Variants in ALK observed in about 807,000 individuals in gnomAD.
ALK encodes the protein ALK tyrosine kinase receptor.
A neutral mutation model predicts 163.1 loss-of-function variants in ALK; 74 were observed. The observed-to-expected ratio is 0.45, with a 90% CI of 0.38 to 0.55. The LOEUF (loss-of-function observed/expected upper bound fraction) is 0.55. Ranked by LOEUF, ALK falls within the 20% of genes least tolerant of loss-of-function variation. The pLI is 0.00. For synonymous variants in ALK, 960 were observed against 843.2 expected (o/e 1.14, Z -2.40); for missense variants, 2,063 against 2,105.3 (o/e 0.98, Z 0.39).
intron 4 of ALK, among the ~76,000 whole-genome samples, chr2:29,478,370 A>G (rs1472815033): frequency 1.3e-5 from 2 of 152,230 alleles, no homozygotes; most frequent in African/African-American, 4.8e-5. Flanking sequence ...AACAGCCTTC[A>G]CATCTATTGT....
intron 4 of ALK, among the ~76,000 whole-genome samples, chr2:29,467,173 T>G (rs944937903): frequency 6.6e-6 from 1 of 151,210 alleles, no homozygotes; most frequent in Non-Finnish European, 1.5e-5. Flanking sequence ...TTTGGGATCA[T>G]GAGGACCAAG....
chr2:29,565,266 G>A (rs765116301), intron 3 of ALK, among the ~76,000 whole-genome samples: 2 of 152,182 alleles, frequency 1.3e-5, no homozygotes, highest in African/African-American at 4.8e-5. Flanking sequence ...GAAGATCTAA[G>A]AGCAAGGACA....
chr2:29,827,237 G>A (rs768260975), intron 1 of ALK, among the ~76,000 whole-genome samples: 1 of 152,186 alleles, frequency 6.6e-6, no homozygotes, highest in Non-Finnish European at 1.5e-5. Context: ...TGGAAGTGAA[G>A]GCCTTTAAGA....
intron 3 of ALK, among the ~76,000 whole-genome samples, chr2:29,546,129 T>A (rs1167607767): frequency 2.0e-5 from 3 of 152,200 alleles, no homozygotes; most frequent in Non-Finnish European, 4.4e-5. Context: ...GAGGAGTACG[T>A]TTTTATATAT....
chr2:29,213,383 T>C (rs1573107835), intron 24 of ALK, among the ~76,000 whole-genome samples: 1 of 152,134 alleles, frequency 6.6e-6, no homozygotes, highest in Non-Finnish European at 1.5e-5. Flanking sequence ...TTAGAAAAAA[T>C]TAATGTATCC....
At chr2:29,231,075 C>T (rs1046702058) in intron 15 of ALK, among the ~76,000 whole-genome samples, 28 of 152,150 alleles carry the variant, frequency 1.8e-4, no homozygotes, top group East Asian at 1.9e-4. Context: ...TGGTGGCTCA[C>T]GCCTGTAATC....
intron 3 of ALK, among the ~76,000 whole-genome samples, chr2:29,666,121 G>A (rs1287610579): frequency 6.6e-5 from 10 of 152,030 alleles, no homozygotes; most frequent in African/African-American, 1.4e-4. Flanking sequence ...AAATCAAGAT[G>A]TATTACATCT....
intron 3 of ALK, among the ~76,000 whole-genome samples, chr2:29,575,557 A>T (rs4344890): frequency 0.96 from 146,911 of 152,280 alleles, 71,090 homozygotes; most frequent in East Asian, 1. Context: ...TTATCTTGCT[A>T]GGGGGAAATT....
At chr2:29,722,323 G>A (rs933186116) in intron 1 of ALK, among the ~76,000 whole-genome samples, 29 of 152,150 alleles carry the variant, frequency 1.9e-4, no homozygotes, top group African/African-American at 6.8e-4. Flanking sequence ...GTACCTAACT[G>A]AAGACTCTTT....
chr2:29,768,719 G>GTGTGTT lies in ALK; in HGVS notation c.668-51023_668-51022insAACACA, dbSNP rs1680931842. ...TTTATTAAATTATATATGTCTGTGT[G>GTGTGTT]TGTGTGTGTGTGTGTGTGTGTGTGT... On this transcript the variant is annotated intron_variant, in intron 1 of 28. Coordinates refer to ENST00000389048, the MANE Select transcript of ALK (RefSeq NM_004304.5). 4.3e-5 allele frequency among the ~76,000 whole-genome samples: 6 copies of GTGTGTT among 140,600 alleles called. No homozygotes were observed. In the Middle Eastern group the frequency reaches 0.018, roughly 421 times the overall value. The allele number at this position is 140,600 out of a possible 152,430, so 92.2% of individuals were successfully genotyped here.
intron 4 of ALK, among the ~76,000 whole-genome samples, chr2:29,471,275 T>G (rs1399185596): frequency 6.6e-6 from 1 of 152,196 alleles, no homozygotes; most frequent in Non-Finnish European, 1.5e-5. Context: ...AACAAAGATT[T>G]TCTGTCTTGT....
chr2:29,741,352 A>G (rs1054227137), intron 1 of ALK, among the ~76,000 whole-genome samples: 1 of 152,172 alleles, frequency 6.6e-6, no homozygotes, highest in East Asian at 1.9e-4. Flanking sequence ...AGGTCTGTCA[A>G]TTGTTACAAA....
chr2:29,320,783 G>A lies in ALK; in HGVS notation c.1514C>T (p.Thr505Ile), dbSNP rs751321667. 39 of 1,613,936 alleles carry A rather than the reference G, an allele frequency of 2.4e-5. No homozygotes were observed. The highest frequency in any genetic ancestry group is 3.3e-5 in the Admixed American group (2 of 60,000). Reference protein sequence around the residue: ...SPHTPQWQVRTLKDARFQDHQ... With the variant: ...SPHTPQWQVRILKDARFQDHQ... ...GTCCTGGAACCGGGCATCCTTTAGG[G>A]TCCTGACCTGCCATTGAGGAGTGTG... The change falls in exon 7 of 29, where the codon ACC becomes ATC. Residue 505 changes from threonine (T) to isoleucine (I), a missense_variant. Thr to Ile is a moderately conservative substitution (Grantham distance 89). Transcript: ENST00000389048.
intron 3 of ALK, among the ~76,000 whole-genome samples, chr2:29,643,661 C>A (rs577735396): frequency 2.6e-5 from 4 of 152,042 alleles, no homozygotes; most frequent in Admixed American, 2.6e-4. Context: ...TAACTTAGAC[C>A]CTCTTTCCTG....
chr2:29,212,375 G>T (rs895125883), intron 24 of ALK, among the ~76,000 whole-genome samples: 1 of 152,168 alleles, frequency 6.6e-6, no homozygotes, highest in Non-Finnish European at 1.5e-5. Flanking sequence ...CGGGGAAAGG[G>T]CTGAAAAACT....
chr2:29,717,715 G>GA lies in ALK; in HGVS notation c.668-19dup. 6.2e-7 allele frequency: 1 copy of GA among 1,613,962 alleles called. No individual in the cohort carries two copies. The highest frequency in any genetic ancestry group is 8.5e-7 in the Non-Finnish European group (1 of 1,179,926). Reference sequence around the variant, plus strand: ...GCTATGACCTGGACATAAAAATAAAGAAAACACTGATCCATGTGCTTGGGG... The same window carrying GA: ...GCTATGACCTGGACATAAAAATAAAGAAAAACACTGATCCATGTGCTTGGGG... On this transcript the variant is annotated intron_variant, in intron 1 of 28. Transcript: ENST00000389048.
chr2:29,303,248 G>A lies in ALK; in HGVS notation c.1648-6191C>T, dbSNP rs536142253. On this transcript the variant is annotated intron_variant, in intron 8 of 28. Transcript: ENST00000389048. ...GGACATTAATAGACACTTCTCAAAA[G>A]AAGACATACAACCAGCCAATACACA... 3.9e-5 allele frequency among the ~76,000 whole-genome samples: 6 copies of A among 152,222 alleles called. No individual in the cohort carries two copies. In the South Asian group the frequency reaches 8.3e-4, roughly 21 times the overall value.
intron 1 of ALK, among the ~76,000 whole-genome samples, chr2:29,858,315 T>C (rs1229554635): frequency 6.6e-6 from 1 of 152,146 alleles, no homozygotes; most frequent in Non-Finnish European, 1.5e-5. Context: ...ACTCTAACAT[T>C]ATATGAATAA....
intron 4 of ALK, among the ~76,000 whole-genome samples, chr2:29,396,584 G>A (rs1669309456): frequency 6.6e-6 from 1 of 152,132 alleles, no homozygotes; most frequent in South Asian, 2.1e-4. Context: ...TGAGGCAGGA[G>A]AATCGCTTGA....
Sources: allele counts gnomAD v4.1 joint callset (sites outside exome capture counted in the v4.1 genomes callset), GRCh38; gene constraint gnomAD v4.1.1; transcripts MANE v1.5; gene names NCBI Gene and HGNC (gene_info 2026-07-23, HGNC 2026-07-21).